MMP26: variants seen among roughly 807,000 people sequenced by gnomAD.
MMP26 encodes matrix metallopeptidase 26.
Under a neutral mutation model 31.0 loss-of-function variants are expected in MMP26, and 33 were observed. That is an observed-to-expected ratio of 1.06 (90% CI 0.81 to 1.42). The LOEUF (loss-of-function observed/expected upper bound fraction) is 1.42. MMP26 is among the 40% of genes most tolerant of loss of function. The pLI is 0.00. For synonymous variants in MMP26, 122 were observed against 114.9 expected (o/e 1.06, Z -0.40); for missense variants, 347 against 316.1 (o/e 1.10, Z -0.74).
At chr11:4,828,618 T>G (rs1338304234) in intron 2 of MMP26, among the ~76,000 whole-genome samples, 1 of 152,086 alleles carries the variant, frequency 6.6e-6, no homozygotes, top group Non-Finnish European at 1.5e-5. Context: ...GGTGGAGGTT[T>G]GAATAAAGAT....
chr11:4,855,332 A>G (rs1564794548), intron 2 of MMP26, among the ~76,000 whole-genome samples: 1 of 152,224 alleles, frequency 6.6e-6, no homozygotes, highest in African/African-American at 2.4e-5. Flanking sequence ...AAAAAAGATT[A>G]GATGAATGGC....
At chr11:4,827,215 T>A (rs183865249) in intron 2 of MMP26, among the ~76,000 whole-genome samples, 16 of 152,324 alleles carry the variant, frequency 1.1e-4, no homozygotes, top group Non-Finnish European at 2.2e-4. Context: ...CAGGGTCAAC[T>A]GATGTTCTAT....
chr11:4,906,362 T>C (rs1423344916), intron 2 of MMP26, among the ~76,000 whole-genome samples: 3 of 152,192 alleles, frequency 2.0e-5, no homozygotes, highest in African/African-American at 7.2e-5. Context: ...CCTACCAAGA[T>C]TGTATTCATT....
At chr11:4,763,062 A>T (rs1452400899) in intron 1 of MMP26, among the ~76,000 whole-genome samples, 2 of 152,238 alleles carry the variant, frequency 1.3e-5, no homozygotes, top group African/African-American at 4.8e-5. Flanking sequence ...TAATTCCATT[A>T]TAAGATTAAT....
chr11:4,868,979 A>G (rs917258994), intron 2 of MMP26, among the ~76,000 whole-genome samples: 1 of 152,224 alleles, frequency 6.6e-6, no homozygotes, highest in Non-Finnish European at 1.5e-5. Context: ...AGGATTCCCT[A>G]TTTAATAAAT....
chr11:4,818,736 C>A (rs140183845), intron 2 of MMP26, among the ~76,000 whole-genome samples: 71 of 152,200 alleles, frequency 4.7e-4, no homozygotes, highest in African/African-American at 1.3e-3. Context: ...TGTTATTCAG[C>A]TTAAAAGACT....
intron 1 of MMP26, among the ~76,000 whole-genome samples, chr11:4,725,542 A>C (rs527387667): frequency 6.6e-6 from 1 of 152,354 alleles, no homozygotes; most frequent in East Asian, 1.9e-4. Context: ...CTGATGTCAG[A>C]AAATTGTGAT....
At chr11:4,830,849 C>A (rs1310964131) in intron 2 of MMP26, among the ~76,000 whole-genome samples, 1 of 151,544 alleles carries the variant, frequency 6.6e-6, no homozygotes, top group Non-Finnish European at 1.5e-5. Context: ...ACACAGAAGC[C>A]AAGTGCAATA....
At chr11:4,764,877 CAG>C (rs199687454) in intron 1 of MMP26, among the ~76,000 whole-genome samples, 67 of 151,636 alleles carry the variant, frequency 4.4e-4, no homozygotes, top group Middle Eastern at 3.4e-3. Flanking sequence ...GACTCCATCA[CAG>C]ACACACACAC....
At chr11:4,972,625 A>G (rs1409500486) in intron 2 of MMP26, among the ~76,000 whole-genome samples, 2 of 152,194 alleles carry the variant, frequency 1.3e-5, no homozygotes, top group Non-Finnish European at 2.9e-5. Context: ...CCCAGTTATC[A>G]TGTAAGTGTA....
At chr11:4,865,815 C>T (rs549292039) in intron 2 of MMP26, among the ~76,000 whole-genome samples, 1 of 152,234 alleles carries the variant, frequency 6.6e-6, no homozygotes, top group East Asian at 1.9e-4. Flanking sequence ...GCGCCATCCA[C>T]AGTTTTAGTA....
At chr11:4,781,581 A>C (rs1848863282) in intron 2 of MMP26, among the ~76,000 whole-genome samples, 3 of 61,946 alleles carry the variant, frequency 4.8e-5, no homozygotes, top group African/African-American at 4.2e-4. Context: ...AAAAAAAAAA[A>C]AAAAAAAAAA....
At chr11:4,723,795 C>T (rs1848055306) in intron 1 of MMP26, 2 of 1,570,928 alleles carry the variant, frequency 1.3e-6, no homozygotes, top group East Asian at 2.2e-5. Flanking sequence ...TCTGCTGCTG[C>T]AGGAGGCTCC....
At position 4,915,783 on chromosome 11, in the gene MMP26, A is replaced by G. The variant is rs894910921; in HGVS notation, c.-144-72285A>G. The G allele has an allele frequency of 1.7e-5, 11 of 631,188 alleles. No individual in the cohort carries two copies. In the African/African-American group the frequency reaches 2.0e-4, roughly 12 times the overall value. 39.1% of individuals were successfully genotyped at this position (631,188 alleles called of 1,614,324 possible). ...AAAAAATAGAATCAAATATACCTAG[A>G]ACTGTGCAGCTCTTTCTAGTGGTTA... On this transcript the variant is annotated intron_variant, in intron 2 of 7. Transcript: ENST00000380390.
intron 2 of MMP26, among the ~76,000 whole-genome samples, chr11:4,838,391 G>T (rs183826283): frequency 2.9e-3 from 162 of 55,290 alleles, no homozygotes; most frequent in African/African-American, 7.6e-3. Context: ...TTTGAGAAAA[G>T]AATCTACCAA....
chr11:4,781,608 CTGAT>C (rs1161109643), intron 2 of MMP26, among the ~76,000 whole-genome samples: 1 of 107,836 alleles, frequency 9.3e-6, no homozygotes, highest in Non-Finnish European at 1.9e-5. Flanking sequence ...AAAAAAAAAA[CTGAT>C]TGCATAATCA....
At chr11:4,978,128 C>T (rs1316598683) in intron 2 of MMP26, among the ~76,000 whole-genome samples, 1 of 152,092 alleles carries the variant, frequency 6.6e-6, no homozygotes, top group Non-Finnish European at 1.5e-5. Flanking sequence ...GCCTTTGCTT[C>T]TTTGTTGCCT....
intron 2 of MMP26, among the ~76,000 whole-genome samples, chr11:4,837,992 A>C (rs1849741515): frequency 6.6e-6 from 1 of 152,042 alleles, no homozygotes; most frequent in African/African-American, 2.4e-5. Flanking sequence ...TTGTATATGC[A>C]AGAAAAAGGC....
chr11:4,915,337 A>C (rs1851066104), intron 2 of MMP26: 1 of 1,613,910 alleles, frequency 6.2e-7, no homozygotes, highest in Non-Finnish European at 8.5e-7. Flanking sequence ...AGAAGCAGTG[A>C]ATGAAAAAGA....
Sources: allele counts gnomAD v4.1 joint callset (sites outside exome capture counted in the v4.1 genomes callset), GRCh38; gene constraint gnomAD v4.1.1; transcripts MANE v1.5; gene names NCBI Gene and HGNC (gene_info 2026-07-23, HGNC 2026-07-21).